TUBGCP4: variants seen among roughly 807,000 people sequenced by gnomAD.
TUBGCP4 encodes tubulin gamma complex component 4.
TUBGCP4 carries 54 observed loss-of-function variants against 91.6 expected under a neutral mutation model. That is an observed-to-expected ratio of 0.59 (90% CI 0.47 to 0.74). The LOEUF is 0.74. Among genes scored for constraint, TUBGCP4 ranks in the 30% least tolerant of loss-of-function variants. TUBGCP4 has a pLI of 0.00. For synonymous variants in TUBGCP4, 297 were observed against 302.8 expected (o/e 0.98, Z 0.20); for missense variants, 593 against 800.9 (o/e 0.74, Z 3.13).
At chr15:43,404,139 T>A (rs958474195) in intron 16 of TUBGCP4, 38 of 516,340 alleles carry the variant, frequency 7.4e-5, no homozygotes, top group African/African-American at 7.0e-4. Flanking sequence ...TCAAAACGGG[T>A]TCTCCCCAAC....
At chr15:43,383,612 A>G (rs2044316123) in intron 7 of TUBGCP4, 108 bp downstream of exon 7, 1 of 887,480 alleles carries the variant, frequency 1.1e-6, no homozygotes, top group African/African-American at 1.7e-5. Flanking sequence ...AGCACCTTCC[A>G]TCAATCCTTT....
chr15:43,409,759 ACC>A lies in TUBGCP4; in HGVS notation c.*4546_*4547del. On this transcript the variant is annotated 3_prime_UTR_variant, in exon 18 of 18. Transcript: ENST00000564079. ...CAAAAATTCTATATTAAAAAAAAAA[ACC>A]AAGATAATAATTACTGAGTGGTTTT... 1 of 1,167,800 alleles carries A rather than the reference ACC, an allele frequency of 8.6e-7. No homozygotes were observed. The highest frequency in any genetic ancestry group is 1.2e-6 in the Non-Finnish European group (1 of 823,122). 72.3% of individuals were successfully genotyped at this position (1,167,800 alleles called of 1,614,324 possible).
At chr15:43,380,184 G>C (rs1427387246) in intron 6 of TUBGCP4, 21 bp downstream of exon 6, 1 of 1,605,946 alleles carries the variant, frequency 6.2e-7, no homozygotes, top group Admixed American at 1.7e-5. Context: ...GCTTAACTGG[G>C]AATTGGTGGT....
rs2044963427 is a variant in TUBGCP4 at position 43,407,823 on chromosome 15, TCTC to T, written c.*2610_*2612del. ...CACCTCTTGAAGGTGGTACTTTTCT[TCTC>T]TAAGAAACATGGATACGGTCAACCT... On this transcript the variant is annotated 3_prime_UTR_variant, in exon 18 of 18. Coordinates refer to ENST00000564079, the MANE Select transcript of TUBGCP4 (RefSeq NM_014444.5). The T allele has an allele frequency of 3.7e-6, 4 of 1,079,942 alleles. No homozygotes were observed. The highest frequency in any genetic ancestry group is 2.3e-5 in the Admixed American group (1 of 42,576). The allele number at this position is 1,079,942 out of a possible 1,614,324, so 66.9% of individuals were successfully genotyped here.
intron 15 of TUBGCP4, 141 bp downstream of exon 15, chr15:43,401,991 G>A (rs1425133554): frequency 9.8e-6 from 11 of 1,123,276 alleles, no homozygotes; most frequent in East Asian, 5.5e-5. Flanking sequence ...TGTGTAAAGC[G>A]GCGGGGCATG....
Position 43,406,351 on chromosome 15 carries a change from G to A in TUBGCP4, c.*1137G>A. The A allele has an allele frequency of 6.4e-6, 2 of 313,064 alleles. No homozygotes were observed. The highest frequency in any genetic ancestry group is 2.9e-5 in the South Asian group (1 of 34,870). The allele number at this position is 313,064 out of a possible 1,614,324, so 19.4% of individuals were successfully genotyped here. A position where few individuals can be genotyped will look rare whatever the true frequency, so the allele number is the denominator to read the frequency against. ...CATCACTACATATTCTACACACACTGGGAAGCTCTGACAACTTATTCCCTG... is the reference window on the plus strand; with the variant it reads ...CATCACTACATATTCTACACACACTAGGAAGCTCTGACAACTTATTCCCTG... On this transcript the variant is annotated 3_prime_UTR_variant, in exon 18 of 18. Coordinates refer to ENST00000564079, the MANE Select transcript of TUBGCP4 (RefSeq NM_014444.5).
At chr15:43,403,886 G>C (rs1218281321) in intron 16 of TUBGCP4, 87 bp downstream of exon 16, 2 of 921,458 alleles carry the variant, frequency 2.2e-6, no homozygotes, top group Non-Finnish European at 3.6e-6. Context: ...CTCTGAGTCA[G>C]TAAAGCATTT....
chr15:43,371,248 C>A lies in TUBGCP4; in HGVS notation c.-107C>A. 8.4e-7 allele frequency: 1 copy of A among 1,195,028 alleles called. No individual in the cohort carries two copies. 74.0% of individuals were successfully genotyped at this position (1,195,028 alleles called of 1,614,324 possible). On this transcript the variant is annotated 5_prime_UTR_variant, in exon 1 of 18. Transcript: ENST00000564079. ...GTTGATTCGGCACAAACCGCCCGAC[C>A]CAGGGGCCGGTGCGCGTGTGGAAGG...
intron 1 of TUBGCP4, among the ~76,000 whole-genome samples, chr15:43,372,027 A>C (rs1273620762): frequency 6.6e-6 from 1 of 152,222 alleles, no homozygotes; most frequent in East Asian, 1.9e-4. Flanking sequence ...TAGGTTTAGA[A>C]TAGTTAAATA....
intron 15 of TUBGCP4, chr15:43,402,188 G>A (rs1421484357): frequency 2.9e-5 from 6 of 208,854 alleles, no homozygotes; most frequent in Non-Finnish European, 5.8e-5. Context: ...CCTGAGGCAG[G>A]AGAATTGCTT....
chr15:43,386,570 C>T (rs1306703529), intron 9 of TUBGCP4, among the ~76,000 whole-genome samples: 2 of 147,582 alleles, frequency 1.4e-5, no homozygotes, highest in African/African-American at 5.0e-5. Flanking sequence ...ACTGAAAATA[C>T]AAAAATTAGT....
At chr15:43,387,378 A>T (rs2044392954) in intron 9 of TUBGCP4, among the ~76,000 whole-genome samples, 1 of 152,244 alleles carries the variant, frequency 6.6e-6, no homozygotes, top group Non-Finnish European at 1.5e-5. Flanking sequence ...ATAACACGAA[A>T]TGAGACATTT....
intron 12 of TUBGCP4, 26 bp downstream of exon 12, chr15:43,397,347 A>T: frequency 6.6e-7 from 1 of 1,522,556 alleles, no homozygotes; most frequent in Non-Finnish European, 9.1e-7. Context: ...CTGCCACCTT[A>T]GAGTTCCTGC....
chr15:43,403,145 A>C (rs1409264783), intron 15 of TUBGCP4: 2 of 152,222 alleles, frequency 1.3e-5, no homozygotes, highest in Non-Finnish European at 2.9e-5. Context: ...CTCTGCCCTT[A>C]AGGAGCTCAC....
chr15:43,402,956 C>T (rs937019343), intron 15 of TUBGCP4: 4 of 152,220 alleles, frequency 2.6e-5, no homozygotes, highest in Non-Finnish European at 5.9e-5. Context: ...ATAGATGCCA[C>T]TCCAGAGGGC....
At chr15:43,378,914 C>T (rs1484452828) in intron 5 of TUBGCP4, among the ~76,000 whole-genome samples, 2 of 152,182 alleles carry the variant, frequency 1.3e-5, no homozygotes, top group Non-Finnish European at 2.9e-5. Context: ...GTGCTCTTAA[C>T]CACTAGATTA....
intron 1 of TUBGCP4, among the ~76,000 whole-genome samples, chr15:43,371,646 G>T (rs992923946): frequency 1.3e-5 from 2 of 152,120 alleles, no homozygotes; most frequent in African/African-American, 2.4e-5. Context: ...GGCAGACCTC[G>T]AAGAGCCCCA....
At chr15:43,376,916 CA>C (rs2044213962) in intron 3 of TUBGCP4, 97 bp from the exon 4 acceptor site, 1 of 1,095,484 alleles carries the variant, frequency 9.1e-7, no homozygotes, top group South Asian at 1.3e-5. Flanking sequence ...CTAAAATTAA[CA>C]CTTAAGCCCA....
Position 43,371,431 on chromosome 15 carries a change from A to C in TUBGCP4, c.77A>C (p.Gln26Pro), listed in dbSNP as rs2044118848. The change falls in exon 1 of 18, where the codon CAG becomes CCG. Residue 26 changes from glutamine to proline, a missense_variant and splice_region_variant. Physicochemically the swap from Gln to Pro is moderately conservative, Grantham distance 76. Transcript: ENST00000564079. Reference sequence around the variant, plus strand: ...ACCTGGAACAAGCGGAGTGGCCTGCAGGTACTGTCCGGCGCAGAGCGCGGG... The same window carrying C: ...ACCTGGAACAAGCGGAGTGGCCTGCCGGTACTGTCCGGCGCAGAGCGCGGG... The part of the protein sequence containing the change: ...IFTWNKRSGL[Q>P]VSQDFPFLHP... 6.2e-7 allele frequency: 1 copy of C among 1,613,998 alleles called. No homozygotes were observed.
Sources: allele counts gnomAD v4.1 joint callset (sites outside exome capture counted in the v4.1 genomes callset), GRCh38; gene constraint gnomAD v4.1.1; transcripts MANE v1.5; gene names NCBI Gene and HGNC (gene_info 2026-07-23, HGNC 2026-07-21).